Variants in ITPRIP observed in about 807,000 individuals in gnomAD.
ITPRIP encodes inositol 1,4,5-trisphosphate receptor-interacting protein.
In ITPRIP, 32 loss-of-function variants were observed where a neutral mutation model predicts 35.8. That is an observed-to-expected ratio of 0.89 (90% CI 0.68 to 1.20). The LOEUF is 1.20. Ranked by LOEUF, ITPRIP falls within the 50% of genes most tolerant of loss-of-function variation. The pLI is 0.00. For missense variants in ITPRIP, 653 were observed against 735.6 expected (o/e 0.89, Z 1.30); for synonymous variants, 358 against 324.0 (o/e 1.11, Z -1.13).
chr10:104,338,373 C>G lies in ITPRIP; in HGVS notation c.-141G>C, dbSNP rs1159101022. On this transcript the variant is annotated 5_prime_UTR_variant, in exon 1 of 2. Coordinates refer to ENST00000337478, the MANE Select transcript of ITPRIP (RefSeq NM_001272013.2). ...CTGCGGTGGAGCTTGCGGCCCGGCA[C>G]TTAGAGGGGCGCGGGCGGCGATGCC... is the stretch of plus-strand genomic sequence containing the variant. The G allele has an allele frequency of 6.6e-6, 1 of 152,590 alleles. No individual in the cohort carries two copies. Among genetic ancestry groups the G allele is most frequent in the Non-Finnish European group, 1.5e-5 (1 of 68,144 alleles). The allele number at this position is 152,590 out of a possible 1,614,324, so 9.5% of individuals were successfully genotyped here.
In ITPRIP at chr10:104,315,708, C is replaced by G; in HGVS notation, c.344G>C (p.Cys115Ser). ...QDHQEGPSPECLGGEEDELPG... is the reference protein window; with the variant it reads ...QDHQEGPSPESLGGEEDELPG... ...CAGCTCATCCTCCTCACCGCCCAGGCACTCAGGTGAGGGCCCCTCCTGGTG... is the reference window on the plus strand; with the variant it reads ...CAGCTCATCCTCCTCACCGCCCAGGGACTCAGGTGAGGGCCCCTCCTGGTG... The change falls in exon 2 of 2, where the codon TGC (cysteine) becomes TCC (serine). Residue 115 changes from cysteine to serine, a missense_variant. Transcript: ENST00000337478. This position sits in a 1 kb window ranked among gnomAD's most constrained non-coding sequence, Gnocchi z 5.7. The G allele has an allele frequency of 6.2e-7, 1 of 1,613,554 alleles. No individual in the cohort carries two copies. The highest frequency in any genetic ancestry group is 2.2e-5 in the East Asian group (1 of 44,860).
chr10:104,323,620 A>G (rs1469332100), intron 1 of ITPRIP: 2 of 152,250 alleles, frequency 1.3e-5, no homozygotes, highest in African/African-American at 4.8e-5. Flanking sequence ...GGACTTTGAG[A>G]AAGGAGCATG....
At chr10:104,321,046 C>A (rs1247449567) in intron 1 of ITPRIP, among the ~76,000 whole-genome samples, 1 of 152,174 alleles carries the variant, frequency 6.6e-6, no homozygotes, top group Non-Finnish European at 1.5e-5. Context: ...AGTGAGGAGC[C>A]TCTCACAAAC....
rs750911746 is a variant in ITPRIP at position 104,315,662 on chromosome 10, G to A, written c.390C>T (p.Pro130=). 8 of 1,612,288 alleles carry A rather than the reference G, an allele frequency of 5.0e-6. No individual in the cohort carries two copies. The highest frequency in any genetic ancestry group is 6.8e-6 in the Non-Finnish European group (8 of 1,179,840). The part of the protein sequence containing the change: ...EDELPGLGGA[P]LQGLTLPNKA... ...TGTTGGGCAGGGTGAGGCCCTGCAA[G>A]GGGGCGCCCCCCAGCCCAGGCAGCT... Residue 130 remains proline, a synonymous_variant, in exon 2 of 2, where the codon CCC becomes CCT. Transcript: ENST00000337478. This position sits in a 1 kb window ranked among gnomAD's most constrained non-coding sequence, Gnocchi z 5.7.
chr10:104,314,396 C>A lies in ITPRIP; in HGVS notation c.*12G>T. 2 of 1,597,270 alleles carry A rather than the reference C, an allele frequency of 1.3e-6. No individual in the cohort carries two copies. The highest frequency in any genetic ancestry group is 1.1e-5 in the South Asian group (1 of 89,512). On this transcript the variant is annotated 3_prime_UTR_variant, in exon 2 of 2. Transcript: ENST00000337478. The stretch of plus-strand genomic sequence containing the variant: ...CATCTTAGCTCGAGGATCCCACATT[C>A]TGTAAAAGACGTCAGCTTTTTGGGG...
At chr10:104,334,101 T>A (rs993815699) in intron 1 of ITPRIP, among the ~76,000 whole-genome samples, 1 of 152,122 alleles carries the variant, frequency 6.6e-6, no homozygotes, top group Non-Finnish European at 1.5e-5. Context: ...TCAACTCAAG[T>A]CTGCCCCACT....
In ITPRIP at chr10:104,313,156, G is replaced by C. The variant is rs999989431; in HGVS notation, c.*1252C>G. 1.0e-6 allele frequency: 1 copy of C among 985,400 alleles called. No individual in the cohort carries two copies. Among genetic ancestry groups the C allele is most frequent in the African/African-American group, 1.7e-5 (1 of 57,222 alleles). The allele number at this position is 985,400 out of a possible 1,614,324, so 61.0% of individuals were successfully genotyped here. ...AGGGGCTCAGAGCCTGCAGACTGGAGCTAGGTTTCCATAGTTCTTGCTTCC... is the reference window on the plus strand; with the variant it reads ...AGGGGCTCAGAGCCTGCAGACTGGACCTAGGTTTCCATAGTTCTTGCTTCC... On this transcript the variant is annotated 3_prime_UTR_variant, in exon 2 of 2. Coordinates refer to ENST00000337478, the MANE Select transcript of ITPRIP (RefSeq NM_001272013.2).
chr10:104,333,198 C>G lies in ITPRIP; in HGVS notation c.-14+5048G>C, dbSNP rs2014183907. On this transcript the variant is annotated intron_variant, in intron 1 of 1. Coordinates refer to ENST00000337478, the MANE Select transcript of ITPRIP (RefSeq NM_001272013.2). The surrounding 1 kb of genome is among the most constrained non-coding windows in gnomAD (Gnocchi z 4.1). The stretch of plus-strand genomic sequence containing the variant: ...GAGAACTGAAGGAGACTGCAGCTGT[C>G]AGCACTGCGCTCTCTGACCCAAGGC... 6.6e-6 allele frequency: 1 copy of G among 152,300 alleles called. No individual in the cohort carries two copies. The allele number at this position is 152,300 out of a possible 1,614,324, so 9.4% of individuals were successfully genotyped here. A position where few individuals can be genotyped will look rare whatever the true frequency, so the allele number is the denominator to read the frequency against.
At chr10:104,335,101 GGGCACCAGC>G (rs2014212460) in intron 1 of ITPRIP, among the ~76,000 whole-genome samples, 6 of 152,188 alleles carry the variant, frequency 3.9e-5, no homozygotes, top group Non-Finnish European at 7.3e-5. Context: ...GCAATCTGCT[GGGCACCAGC>G]TGGCCCCTCC....
chr10:104,332,946 C>T (rs555747585), intron 1 of ITPRIP, among the ~76,000 whole-genome samples: 21 of 152,310 alleles, frequency 1.4e-4, no homozygotes, highest in African/African-American at 4.3e-4. Context: ...TCCACGAGGC[C>T]GCTGAATCCC....
chr10:104,331,172 G>A (rs542375450), intron 1 of ITPRIP, among the ~76,000 whole-genome samples: 13 of 152,230 alleles, frequency 8.5e-5, no homozygotes, highest in Non-Finnish European at 1.6e-4. Context: ...ATGTGTTGGG[G>A]TGAAATGTCA....
intron 1 of ITPRIP, among the ~76,000 whole-genome samples, chr10:104,336,270 T>C (rs1456262024): frequency 6.6e-6 from 1 of 152,118 alleles, no homozygotes; most frequent in East Asian, 1.9e-4. Context: ...CCAGCAAGAC[T>C]GGATGAGAGA....
Position 104,315,688 on chromosome 10 carries a change from C to T in ITPRIP, c.364G>A (p.Glu122Lys). 3 of 1,613,304 alleles carry T rather than the reference C, an allele frequency of 1.9e-6. No individual in the cohort carries two copies. The highest frequency in any genetic ancestry group is 2.5e-6 in the Non-Finnish European group (3 of 1,179,968). The change falls in exon 2 of 2, where the codon GAG becomes AAG. Residue 122 changes from glutamate (E) to lysine (K), a missense_variant. Transcript: ENST00000337478. The surrounding 1 kb of genome is among the most constrained non-coding windows in gnomAD (Gnocchi z 5.7). ...SPECLGGEED[E>K]LPGLGGAPLQ... ...GGGGCGCCCCCCAGCCCAGGCAGCT[C>T]ATCCTCCTCACCGCCCAGGCACTCA...
Position 104,316,758 on chromosome 10 carries a change from A to C in ITPRIP, c.-13-694T>G, listed in dbSNP as rs539011071. Among the ~76,000 whole-genome samples, 83 of 152,316 alleles carry C rather than the reference A, an allele frequency of 5.4e-4. 1 individual carries two copies. The South Asian group carries it at 0.017, about 31-fold the overall frequency. On this transcript the variant is annotated intron_variant, in intron 1 of 1. Transcript: ENST00000337478. ...TTTGAGTGGCCTTTCCACCACTTGA[A>C]ATCAAAATAGTCCTGAATAACATAT...
intron 1 of ITPRIP, among the ~76,000 whole-genome samples, chr10:104,336,811 T>G (rs1589898266): frequency 6.6e-6 from 1 of 152,206 alleles, no homozygotes; most frequent in East Asian, 1.9e-4. Flanking sequence ...AAGTTAAGCT[T>G]GGGAACTCAG....
In ITPRIP at chr10:104,315,764, G is replaced by A. The variant is rs766959282; in HGVS notation, c.288C>T (p.Leu96=). 17 of 1,614,020 alleles carry A rather than the reference G, an allele frequency of 1.1e-5. No homozygotes were observed. Among genetic ancestry groups the A allele is most frequent in the Non-Finnish European group, 1.4e-5 (17 of 1,180,020 alleles). The change falls in exon 2 of 2, where the codon CTC becomes CTT. Residue 96 remains leucine, a synonymous_variant. Coordinates refer to ENST00000337478, the MANE Select transcript of ITPRIP (RefSeq NM_001272013.2). This position sits in a 1 kb window ranked among gnomAD's most constrained non-coding sequence, Gnocchi z 5.7. ...WDLWSTLCMI[L]FLMIEVWRQD... is the part of the protein sequence containing the mutation. ...GCCGCCACACCTCGATCATCAGGAA[G>A]AGGATCATGCAGAGGGTGCTCCAGA... is the stretch of plus-strand genomic sequence containing the variant.
rs2014082807 is a variant in ITPRIP, at chr10:104,328,661, A to G, written c.-14+9585T>C. On this transcript the variant is annotated intron_variant, in intron 1 of 1. Coordinates refer to ENST00000337478, the MANE Select transcript of ITPRIP (RefSeq NM_001272013.2). This position sits in a 1 kb window ranked among gnomAD's most constrained non-coding sequence, Gnocchi z 4.1. ...CTTCCACTTTCCCCCTTTCACTGAG[A>G]AACTAGGATGGATGGAATTAAATAA... Among the ~76,000 whole-genome samples the G allele has an allele frequency of 6.6e-6, 1 of 151,744 alleles. No homozygotes were observed. The highest frequency in any genetic ancestry group is 2.4e-5 in the African/African-American group (1 of 41,250).
Position 104,328,538 on chromosome 10 carries a change from G to A in ITPRIP, c.-14+9708C>T, listed in dbSNP as rs1217806280. ...GGCTCTGCACAATAGCAGACACACT[G>A]ACTCAATGGAAAGGGGAAGGGACTG... On this transcript the variant is annotated intron_variant, in intron 1 of 1. Coordinates refer to ENST00000337478, the MANE Select transcript of ITPRIP (RefSeq NM_001272013.2). The surrounding 1 kb of genome is among the most constrained non-coding windows in gnomAD (Gnocchi z 4.1). Among the ~76,000 whole-genome samples the A allele has an allele frequency of 6.6e-6, 1 of 152,078 alleles. No individual in the cohort carries two copies. Among genetic ancestry groups the A allele is most frequent in the Non-Finnish European group, 1.5e-5 (1 of 68,012 alleles).
rs1258009499 is a variant in ITPRIP, at chr10:104,314,309, C to T, written c.*99G>A. On this transcript the variant is annotated 3_prime_UTR_variant, in exon 2 of 2. Coordinates refer to ENST00000337478, the MANE Select transcript of ITPRIP (RefSeq NM_001272013.2). ...GCTGAGCACGGCTCCCACGAAAGCCCGCCTTGTCCCCAGAACAGGGCTGGC... is the reference window on the plus strand; with the variant it reads ...GCTGAGCACGGCTCCCACGAAAGCCTGCCTTGTCCCCAGAACAGGGCTGGC... The T allele has an allele frequency of 1.4e-5, 21 of 1,514,078 alleles. No individual in the cohort carries two copies. Among genetic ancestry groups the T allele is most frequent in the Middle Eastern group, 2.2e-4 (1 of 4,626 alleles). 93.8% of individuals were successfully genotyped at this position (1,514,078 alleles called of 1,614,324 possible).
Sources: gnomAD v4.1 joint callset for allele counts (sites outside exome capture counted in the v4.1 genomes callset) on GRCh38, gnomAD v4.1.1 for gene constraint, Gnocchi (gnomAD v3.1) non-coding constraint, MANE v1.5 for transcripts, NCBI Gene and HGNC (gene_info 2026-07-23, HGNC 2026-07-21) for gene names.